The following HYDIN variants were observed in gnomAD, a reference collection of about 807,000 sequenced individuals.
HYDIN encodes axonemal central pair apparatus protein HYDIN.
HYDIN carries 132 observed loss-of-function variants against 403.9 expected under a neutral mutation model. The ratio of observed to expected loss-of-function variants is 0.33; its 90% CI spans 0.28 to 0.38. The LOEUF is 0.38. Ranked by LOEUF, HYDIN falls within the 10% of genes least tolerant of loss-of-function variation. HYDIN has a pLI of 1.00. For synonymous variants in HYDIN, 1,202 were observed against 1,891.7 expected (o/e 0.64, Z 9.46); for missense variants, 2,827 against 5,009.5 (o/e 0.56, Z 13.15).
chr16:70,982,430 T>C (rs1364422566), intron 28 of HYDIN, among the ~76,000 whole-genome samples: 8 of 150,774 alleles, frequency 5.3e-5, no homozygotes, highest in South Asian at 2.1e-4. Context: ...ATTCAGGAAA[T>C]AGAAGAGAGA....
At chr16:70,997,087 A>G (rs1269048315) in intron 23 of HYDIN, among the ~76,000 whole-genome samples, 4 of 151,688 alleles carry the variant, frequency 2.6e-5, no homozygotes, top group Admixed American at 2.0e-4. Flanking sequence ...GGAGCATGCA[A>G]CCAGGATCCC....
In HYDIN at chr16:70,818,386, C is replaced by A. The variant is rs375480074; in HGVS notation, c.14614G>T (p.Asp4872Tyr). 1.2e-5 allele frequency: 19 copies of A among 1,613,614 alleles called. No individual in the cohort carries two copies. Among genetic ancestry groups the A allele is most frequent in the Non-Finnish European group, 1.6e-5 (19 of 1,179,788 alleles). The part of the protein sequence containing the change: ...VTFSTECRMP[D>Y]IALPSQFVVP... ...ACAAACTGGGAGGGCAGGGCGATGT[C>A]GGGCATCCGGCATTCCGTGGAGAAG... The change falls in exon 84 of 86, where the codon GAC (aspartate) becomes TAC (tyrosine). Residue 4872 changes from aspartate to tyrosine, a missense_variant. Physicochemically the swap from Asp to Tyr is radical, Grantham distance 160. Coordinates refer to ENST00000393567, the MANE Select transcript of HYDIN (RefSeq NM_001270974.2).
At chr16:70,991,561 GGCCCT>G (rs2079353143) in intron 24 of HYDIN, among the ~76,000 whole-genome samples, 165 bp from the exon 25 acceptor site, 1 of 151,640 alleles carries the variant, frequency 6.6e-6, no homozygotes, top group Non-Finnish European at 1.5e-5. Flanking sequence ...AGCTGGTCAG[GGCCCT>G]GTTGCCCTAT....
chr16:71,028,054 T>C (rs558867943), intron 19 of HYDIN, among the ~76,000 whole-genome samples, 179 bp from the exon 20 acceptor site: 1 of 146,888 alleles, frequency 6.8e-6, no homozygotes, highest in South Asian at 2.3e-4. Context: ...TAACACAGCG[T>C]TGGCATCACC....
intron 18 of HYDIN, among the ~76,000 whole-genome samples, chr16:71,036,028 T>G (rs1302922100): frequency 6.6e-6 from 1 of 151,822 alleles, no homozygotes; most frequent in African/African-American, 2.4e-5. Flanking sequence ...TAAAGAGAGT[T>G]GAGTGTGCCG....
At chr16:71,062,934 T>C (rs1031786534) in intron 16 of HYDIN, 6 of 152,610 alleles carry the variant, frequency 3.9e-5, no homozygotes, top group African/African-American at 1.4e-4. Flanking sequence ...GACAGCACCA[T>C]GCCACCTGCA....
intron 23 of HYDIN, among the ~76,000 whole-genome samples, chr16:71,008,449 T>C (rs1294260041): frequency 6.6e-6 from 1 of 152,174 alleles, no homozygotes; most frequent in Non-Finnish European, 1.5e-5. Flanking sequence ...GGGTACTCAA[T>C]CATAGTTACT....
At chr16:71,006,795 C>T (rs549243176) in intron 23 of HYDIN, among the ~76,000 whole-genome samples, 3 of 152,128 alleles carry the variant, frequency 2.0e-5, no homozygotes, top group Non-Finnish European at 4.4e-5. Context: ...CAGACCCCGT[C>T]AGTATTCCCA....
chr16:70,979,954 C>T (rs1350254941), intron 29 of HYDIN, among the ~76,000 whole-genome samples: 1 of 150,006 alleles, frequency 6.7e-6, no homozygotes, highest in African/African-American at 2.5e-5. Flanking sequence ...AAACAAAAAG[C>T]CTATTATAAA....
intron 8 of HYDIN, chr16:71,132,001 T>G (rs1417798182): frequency 6.6e-6 from 1 of 150,824 alleles, no homozygotes; most frequent in Admixed American, 6.6e-5. Flanking sequence ...TAATCCCACT[T>G]TTGTAATAAA....
intron 12 of HYDIN, among the ~76,000 whole-genome samples, chr16:71,086,658 C>T (rs1421334355): frequency 1.3e-5 from 2 of 152,228 alleles, no homozygotes; most frequent in Non-Finnish European, 2.9e-5. Context: ...TGAAGGCTTG[C>T]TTATGATACT....
At chr16:70,846,915 T>C (rs12149159) in intron 75 of HYDIN, among the ~76,000 whole-genome samples, 1 of 127,394 alleles carries the variant, frequency 7.8e-6, no homozygotes, top group Non-Finnish European at 1.6e-5. Context: ...CTCCATCCTT[T>C]TATTTTGAGC....
chr16:70,923,469 CAAAAAAAAAAAA>C (rs59968942), intron 45 of HYDIN, among the ~76,000 whole-genome samples: 2 of 28,274 alleles, frequency 7.1e-5, no homozygotes, highest in Non-Finnish European at 1.6e-4. Context: ...ACTCCATCTC[CAAAAAAAAAAAA>C]AAAAAAAAGA....
intron 38 of HYDIN, among the ~76,000 whole-genome samples, chr16:70,960,567 C>G (rs1446126130): frequency 6.6e-6 from 1 of 150,916 alleles, no homozygotes; most frequent in African/African-American, 2.4e-5. Context: ...ATAGTCATCC[C>G]AAATACATTC....
Position 70,920,963 on chromosome 16 carries a change from G to A in HYDIN, c.7413C>T (p.Leu2471=), listed in dbSNP as rs2076978395. The A allele has an allele frequency of 4.4e-6, 7 of 1,603,600 alleles. No individual in the cohort carries two copies. The African/African-American group carries it at 9.4e-5, about 21-fold the overall frequency. The change falls in exon 46 of 86, where the codon CTC becomes CTT. Residue 2471 remains leucine (L), a synonymous_variant. Transcript: ENST00000393567. The part of the protein sequence containing the change: ...ELTLKDVQNI[L]MYWDRKQGVQ... ...CTCCTTGCTTCCGGTCCCAGTACAT[G>A]AGGATGTTCTGGACATCCTTCAGTG...
At position 70,805,841 on chromosome 16, in the gene HYDIN, G is replaced by A. The variant is rs1469356175; in HGVS notation, c.*1739C>T. ...TGGCTTCAGTTACCTGTGGTCAACT[G>A]TGGAATGAAAATATTTAATGAAAAA... On this transcript the variant is annotated 3_prime_UTR_variant, in exon 86 of 86. Coordinates refer to ENST00000393567, the MANE Select transcript of HYDIN (RefSeq NM_001270974.2). Among the ~76,000 whole-genome samples, 1 of 152,180 alleles carries A rather than the reference G, an allele frequency of 6.6e-6. No individual in the cohort carries two copies. The highest frequency in any genetic ancestry group is 2.4e-5 in the African/African-American group (1 of 41,442).
Position 70,818,361 on chromosome 16 carries a change from A to G in HYDIN, c.14639T>C (p.Val4880Ala). The change falls in exon 84 of 86, where the codon GTG (valine) becomes GCG (alanine). Residue 4880 changes from valine to alanine, a missense_variant. Physicochemically the swap from Val to Ala is moderately conservative, Grantham distance 64. Coordinates refer to ENST00000393567, the MANE Select transcript of HYDIN (RefSeq NM_001270974.2). The part of the protein sequence containing the change: ...MPDIALPSQF[V>A]VPANSEGTFS... Reference sequence around the variant, plus strand: ...CCGTACCTCGGAGTTGGCAGGCACCACAAACTGGGAGGGCAGGGCGATGTC... The same window carrying G: ...CCGTACCTCGGAGTTGGCAGGCACCGCAAACTGGGAGGGCAGGGCGATGTC... 6.2e-7 allele frequency: 1 copy of G among 1,613,540 alleles called. No homozygotes were observed. The highest frequency in any genetic ancestry group is 8.5e-7 in the Non-Finnish European group (1 of 1,179,690).
intron 22 of HYDIN, among the ~76,000 whole-genome samples, chr16:71,019,547 T>C (rs1417465272): frequency 6.6e-6 from 1 of 152,270 alleles, no homozygotes; most frequent in Non-Finnish European, 1.5e-5. Context: ...CCCACCCTTG[T>C]AGATCATGGC....
At chr16:71,094,642 G>A (rs1254110481) in intron 10 of HYDIN, among the ~76,000 whole-genome samples, 12 of 152,290 alleles carry the variant, frequency 7.9e-5, no homozygotes, top group Admixed American at 3.9e-4. Flanking sequence ...TATTGAGGAA[G>A]TGTCAGCATT....
Sources: gnomAD v4.1 joint callset for allele counts (sites outside exome capture counted in the v4.1 genomes callset) on GRCh38, gnomAD v4.1.1 for gene constraint, MANE v1.5 for transcripts, NCBI Gene and HGNC (gene_info 2026-07-23, HGNC 2026-07-21) for gene names.